ERAP2: variants seen among roughly 807,000 people sequenced by gnomAD.
ERAP2 encodes the protein leukocyte-derived arginine aminopeptidase.
In ERAP2, 118 loss-of-function variants were observed where a neutral mutation model predicts 111.1. The ratio of observed to expected loss-of-function variants is 1.06; its 90% CI spans 0.92 to 1.24. ERAP2 has a LOEUF of 1.24. Among genes scored for constraint, ERAP2 ranks in the 50% most tolerant of loss-of-function variants. The probability of loss-of-function intolerance (pLI) is 0.00; values close to 1 mark genes in which losing one functional copy is unlikely to be tolerated. For missense variants in ERAP2, 1,131 were observed against 1,125.8 expected, an observed-to-expected ratio of 1.00 and a Z score of -0.07; for synonymous variants, 410 against 401.2, an observed-to-expected ratio of 1.02 and a Z score of -0.26.
At chr5:96,915,884 T>C (rs1787323677) in intron 18 of ERAP2, 115 bp downstream of exon 18, 1 of 870,036 alleles carries the variant, frequency 1.1e-6, no homozygotes. Flanking sequence ...AAAAAAGTTG[T>C]TTGTCCAATG....
chr5:96,915,838 G>A, intron 18 of ERAP2, 69 bp downstream of exon 18: 2 of 1,299,502 alleles, frequency 1.5e-6, no homozygotes, highest in Non-Finnish European at 2.2e-6. Context: ...AGTAAACTTA[G>A]ATATAATCTG....
At position 96,895,342 on chromosome 5, in the gene ERAP2, T is replaced by C. The variant is rs1035687878; in HGVS notation, c.1222T>C (p.Tyr408His). 1 of 1,608,560 alleles carries C rather than the reference T, an allele frequency of 6.2e-7. No individual in the cohort carries two copies. Among genetic ancestry groups the C allele is most frequent in the Non-Finnish European group, 8.5e-7 (1 of 1,175,802 alleles). Reference protein sequence around the residue: ...YMELIAVNATYPELQFDDYFL... With the variant: ...YMELIAVNATHPELQFDDYFL... ...GGAACTTATCGCTGTTAATGCTACA[T>C]ATCCAGAGCTGCAATTTGTAAGTTC... The change falls in exon 7 of 19, where the codon TAT becomes CAT. Residue 408 changes from tyrosine (Y) to histidine (H), a missense_variant. This residue lies in a region of ERAP2 where 847 missense variants were observed against 856.5 expected (regional missense o/e 0.99). Transcript: ENST00000437043.
intron 13 of ERAP2, among the ~76,000 whole-genome samples, chr5:96,907,147 T>C (rs1349929329): frequency 1.3e-5 from 2 of 152,260 alleles, no homozygotes; most frequent in East Asian, 1.9e-4. Flanking sequence ...GTGTGGACTT[T>C]TACTGTTGAG....
chr5:96,897,557 G>A (rs968938553), intron 9 of ERAP2, among the ~76,000 whole-genome samples: 5 of 151,554 alleles, frequency 3.3e-5, no homozygotes, highest in Non-Finnish European at 7.4e-5. Flanking sequence ...TTTTTAATGT[G>A]ATAGCACCTA....
chr5:96,915,723 T>A lies in ERAP2; in HGVS notation c.2693T>A (p.Ile898Asn). Reference protein sequence around the residue: ...DLGSYDIRMIISGTTAHFSSK... With the variant: ...DLGSYDIRMINSGTTAHFSSK... ...GGCTCATATGACATAAGGATGATCA[T>A]CTCTGGCACAACAGCTCACTTTTCT... The change falls in exon 18 of 19, where the codon ATC becomes AAC. Residue 898 changes from isoleucine (I) to asparagine (N), a missense_variant. By Grantham distance (149) the Ile-to-Asn change is moderately radical. This residue lies in a region of ERAP2 where 279 missense variants were observed against 250.9 expected (regional missense o/e 1.11). Coordinates refer to ENST00000437043, the MANE Select transcript of ERAP2 (RefSeq NM_022350.5). 1 of 1,598,978 alleles carries A rather than the reference T, an allele frequency of 6.3e-7. No homozygotes were observed. The highest frequency in any genetic ancestry group is 8.5e-7 in the Non-Finnish European group (1 of 1,173,222).
intron 2 of ERAP2, among the ~76,000 whole-genome samples, chr5:96,883,113 A>G (rs1178898225): frequency 6.6e-6 from 1 of 152,174 alleles, no homozygotes; most frequent in Non-Finnish European, 1.5e-5. Flanking sequence ...CAGACAGACC[A>G]TTAGCCAACA....
intron 18 of ERAP2, among the ~76,000 whole-genome samples, chr5:96,917,071 C>A (rs1439568617): frequency 6.6e-6 from 1 of 152,148 alleles, no homozygotes; most frequent in African/African-American, 2.4e-5. Context: ...ATGTAATTTG[C>A]AAGCTCTTTT....
intron 1 of ERAP2, among the ~76,000 whole-genome samples, 188 bp from the exon 2 acceptor site, chr5:96,879,376 T>A (rs1206078168): frequency 1.3e-5 from 2 of 152,082 alleles, no homozygotes; most frequent in Non-Finnish European, 2.9e-5. Flanking sequence ...TTTGGGGGAG[T>A]CCTAAAGGGT....
intron 13 of ERAP2, among the ~76,000 whole-genome samples, chr5:96,908,119 T>C (rs958091863): frequency 2.6e-5 from 4 of 152,086 alleles, no homozygotes; most frequent in African/African-American, 7.2e-5. Flanking sequence ...CCAGAAGAGG[T>C]AGAGCACTAT....
rs1040974312 is a variant in ERAP2, at chr5:96,918,529, C to T, written c.*924C>T. ...CAAGGGTAGATTTTTGAGAGCATTC[C>T]AAATGAATGGTCTCTGGTCAAATGA... On this transcript the variant is annotated 3_prime_UTR_variant, in exon 19 of 19. Transcript: ENST00000437043. 6.6e-6 allele frequency: 1 copy of T among 152,026 alleles called. No individual in the cohort carries two copies. Among genetic ancestry groups the T allele is most frequent in the Non-Finnish European group, 1.5e-5 (1 of 68,006 alleles). 9.4% of individuals were successfully genotyped at this position (152,026 alleles called of 1,614,324 possible). A position where few individuals can be genotyped will look rare whatever the true frequency, so the allele number is the denominator to read the frequency against.
intron 3 of ERAP2, among the ~76,000 whole-genome samples, chr5:96,884,652 G>C (rs1298604913): frequency 6.6e-6 from 1 of 152,070 alleles, no homozygotes; most frequent in East Asian, 1.9e-4. Flanking sequence ...CAGCCTCCTG[G>C]GTTCAAGCAA....
chr5:96,917,301 G>A (rs1787525817), intron 18 of ERAP2, among the ~76,000 whole-genome samples, 161 bp from the exon 19 acceptor site: 1 of 151,960 alleles, frequency 6.6e-6, no homozygotes, highest in South Asian at 2.1e-4. Context: ...GTTATTTTTT[G>A]TAGAGTCAGG....
chr5:96,914,148 T>TCTCACACACACACACACACACACACA lies in ERAP2; in HGVS notation c.2657+692_2657+693insTCACACACACACACACACACACACAC, dbSNP rs34158080. ...CTTTCTGTCTCTCTCTCTCTCTCTC[T>TCTCACACACACACACACACACACACA]CACACACACACACACACACAATCAC... On this transcript the variant is annotated intron_variant, in intron 17 of 18. Transcript: ENST00000437043. 1.6e-4 allele frequency among the ~76,000 whole-genome samples: 23 copies of TCTCACACACACACACACACACACACA among 148,078 alleles called. No homozygotes were observed. The East Asian group carries it at 3.2e-3, about 21-fold the overall frequency.
At chr5:96,882,998 GT>G (rs1439701824) in intron 2 of ERAP2, among the ~76,000 whole-genome samples, 10 of 152,122 alleles carry the variant, frequency 6.6e-5, no homozygotes, top group Non-Finnish European at 1.3e-4. Context: ...GCATATCCTG[GT>G]GTTGGGGTAG....
At position 96,879,791 on chromosome 5, in the gene ERAP2, T is replaced by C. The variant is rs1353047289; in HGVS notation, c.106T>C (p.Ser36Pro). The C allele has an allele frequency of 6.2e-7, 1 of 1,614,228 alleles. No homozygotes were observed. Among genetic ancestry groups the C allele is most frequent in the South Asian group, 1.1e-5 (1 of 91,092 alleles). ...TAILPQICIC[S>P]QFSVPSSYHF... ...CATCTTGCCCCAAATATGCATTTGTTCTCAGTTCTCAGTGCCATCTAGTTA... is the reference window on the plus strand; with the variant it reads ...CATCTTGCCCCAAATATGCATTTGTCCTCAGTTCTCAGTGCCATCTAGTTA... The change falls in exon 2 of 19, where the codon TCT (serine) becomes CCT (proline). Residue 36 changes from serine (S) to proline (P), a missense_variant. This residue lies in a region of ERAP2 where 847 missense variants were observed against 856.5 expected (regional missense o/e 0.99). Coordinates refer to ENST00000437043, the MANE Select transcript of ERAP2 (RefSeq NM_022350.5).
chr5:96,898,711 C>A (rs1369688408), intron 9 of ERAP2, among the ~76,000 whole-genome samples: 3 of 152,098 alleles, frequency 2.0e-5, no homozygotes, highest in Non-Finnish European at 4.4e-5. Flanking sequence ...TGGACTCCAG[C>A]CTGGTGACAG....
intron 2 of ERAP2, among the ~76,000 whole-genome samples, chr5:96,881,840 A>G (rs1783166100): frequency 1.3e-5 from 2 of 152,166 alleles, no homozygotes; most frequent in Non-Finnish European, 2.9e-5. Flanking sequence ...AAGATTTCCC[A>G]CCCAATGACT....
At chr5:96,894,145 A>G (rs1784643097) in intron 6 of ERAP2, among the ~76,000 whole-genome samples, 1 of 152,226 alleles carries the variant, frequency 6.6e-6, no homozygotes, top group Non-Finnish European at 1.5e-5. Flanking sequence ...TGTATTTCTA[A>G]CATATGGCAT....
At chr5:96,916,456 C>CTTTTTTTT (rs745860227) in intron 18 of ERAP2, among the ~76,000 whole-genome samples, 8 of 97,640 alleles carry the variant, frequency 8.2e-5, no homozygotes, top group Admixed American at 1.3e-4. Flanking sequence ...TTCTAGTTAT[C>CTTTTTTTT]TTTTTTTTTT....
Sources: gnomAD v4.1 joint callset for allele counts (sites outside exome capture counted in the v4.1 genomes callset) on GRCh38, gnomAD v4.1.1 for gene constraint, gnomAD v4.1.1 regional missense constraint, MANE v1.5 for transcripts, NCBI Gene and HGNC (gene_info 2026-07-23, HGNC 2026-07-21) for gene names.